Variants in MB21D2 observed in about 807,000 individuals in gnomAD.
The protein encoded by MB21D2 is Mab-21 domain containing 2, also known as nucleotidyltransferase MB21D2.
Under a neutral mutation model 33.3 loss-of-function variants are expected in MB21D2, and 9 were observed. That is an observed-to-expected ratio of 0.27 (90% CI 0.16 to 0.47). The LOEUF (loss-of-function observed/expected upper bound fraction) is 0.47. Ranked by LOEUF, MB21D2 falls within the 20% of genes least tolerant of loss-of-function variation. The pLI is 0.99. For synonymous variants in MB21D2, 241 were observed against 236.3 expected, an observed-to-expected ratio of 1.02 and a Z score of -0.18; for missense variants, 540 against 624.6, an observed-to-expected ratio of 0.86 and a Z score of 1.44.
At chr3:192,828,110 CTG>C (rs2108619150) in intron 1 of MB21D2, among the ~76,000 whole-genome samples, 1 of 152,210 alleles carries the variant, frequency 6.6e-6, no homozygotes, top group African/African-American at 2.4e-5. Flanking sequence ...CCATGTGGAA[CTG>C]TGAGTCCATT....
chr3:192,897,732 CT>C (rs1157748830), intron 1 of MB21D2, among the ~76,000 whole-genome samples: 4 of 152,150 alleles, frequency 2.6e-5, no homozygotes, highest in African/African-American at 9.7e-5. Context: ...TGGCTCACAC[CT>C]GTAAACCCAG....
At chr3:192,829,660 C>T (rs1712269742) in intron 1 of MB21D2, among the ~76,000 whole-genome samples, 1 of 151,550 alleles carries the variant, frequency 6.6e-6, no homozygotes, top group African/African-American at 2.4e-5. Flanking sequence ...GGATCTCGCT[C>T]TGTTTCCCAG....
chr3:192,888,630 T>C (rs1713783982), intron 1 of MB21D2, among the ~76,000 whole-genome samples: 1 of 152,104 alleles, frequency 6.6e-6, no homozygotes, highest in African/African-American at 2.4e-5. Context: ...GGATTATCAC[T>C]GACAATTCTT....
intron 1 of MB21D2, among the ~76,000 whole-genome samples, chr3:192,822,287 G>A (rs1382559859): frequency 6.6e-6 from 1 of 152,110 alleles, no homozygotes; most frequent in African/African-American, 2.4e-5. Flanking sequence ...TGATACATTG[G>A]AGAGTCACTT....
chr3:192,916,120 A>ATATT (rs1553863497), intron 1 of MB21D2, among the ~76,000 whole-genome samples: 1 of 148,892 alleles, frequency 6.7e-6, no homozygotes, highest in African/African-American at 2.5e-5. Context: ...ATATATATAT[A>ATATT]TTTAATTCAT....
At position 192,917,830 on chromosome 3, in the gene MB21D2, G is replaced by A. The variant is rs769270648; in HGVS notation, c.11C>T (p.Ala4Val). 1 of 1,608,146 alleles carries A rather than the reference G, an allele frequency of 6.2e-7. No individual in the cohort carries two copies. Among genetic ancestry groups the A allele is most frequent in the East Asian group, 2.2e-5 (1 of 44,698 alleles). The change falls in exon 1 of 2, where the codon GCG becomes GTG. Residue 4 changes from alanine (A) to valine (V), a missense_variant. By Grantham distance (64) the Ala-to-Val change is moderately conservative. Coordinates refer to ENST00000392452, the MANE Select transcript of MB21D2 (RefSeq NM_178496.4). ...GGCTGCCTTGTTGGCGGTGGGAGCC[G>A]CCATCTTCATGCAAAACGCGCCGAG... MKM[A>V]APTANKAASL...
chr3:192,858,990 A>C (rs866702466), intron 1 of MB21D2, among the ~76,000 whole-genome samples: 20 of 152,280 alleles, frequency 1.3e-4, no homozygotes, highest in Middle Eastern at 3.4e-3. Context: ...GGAATCAGTT[A>C]GTCAACTTCC....
intron 1 of MB21D2, among the ~76,000 whole-genome samples, chr3:192,808,009 C>T (rs747831279): frequency 1.3e-5 from 2 of 152,024 alleles, no homozygotes; most frequent in African/African-American, 2.4e-5. Context: ...ACTTAGGACC[C>T]AGATGGGTAG....
intron 1 of MB21D2, among the ~76,000 whole-genome samples, chr3:192,815,614 A>G (rs1711904034): frequency 7.4e-6 from 1 of 134,738 alleles, no homozygotes; most frequent in Non-Finnish European, 1.5e-5. Context: ...AAGAGCTGAG[A>G]TTGGCTACTT....
chr3:192,811,636 C>A (rs1047374082), intron 1 of MB21D2, among the ~76,000 whole-genome samples: 1 of 152,140 alleles, frequency 6.6e-6, no homozygotes, highest in African/African-American at 2.4e-5. Context: ...CTGATTATTT[C>A]TTGCTTTGTT....
At chr3:192,864,540 CT>C (rs1303478842) in intron 1 of MB21D2, among the ~76,000 whole-genome samples, 2 of 152,108 alleles carry the variant, frequency 1.3e-5, no homozygotes, top group Non-Finnish European at 1.5e-5. Flanking sequence ...GAGTTTTGCT[CT>C]TGTCATCCTG....
intron 1 of MB21D2, among the ~76,000 whole-genome samples, chr3:192,840,896 C>T (rs927908954): frequency 3.3e-5 from 5 of 152,164 alleles, no homozygotes; most frequent in African/African-American, 4.8e-5. Context: ...TTTTAATTAA[C>T]ACCAAAGCTT....
At chr3:192,814,112 A>C (rs1399947139) in intron 1 of MB21D2, among the ~76,000 whole-genome samples, 1 of 152,238 alleles carries the variant, frequency 6.6e-6, no homozygotes, top group Non-Finnish European at 1.5e-5. Flanking sequence ...TTCAAATAAC[A>C]AATCAGTAAT....
chr3:192,915,360 T>G (rs932764016), intron 1 of MB21D2, among the ~76,000 whole-genome samples: 9 of 152,200 alleles, frequency 5.9e-5, no homozygotes, highest in African/African-American at 1.2e-4. Context: ...TTAGAAAAAG[T>G]AAATCCACAT....
intron 1 of MB21D2, among the ~76,000 whole-genome samples, chr3:192,862,820 T>C (rs969198683): frequency 1.3e-5 from 2 of 152,220 alleles, no homozygotes; most frequent in Non-Finnish European, 1.5e-5. Flanking sequence ...TGTAAATGTA[T>C]TGTTCATAGT....
At chr3:192,848,306 A>AT (rs1712715477) in intron 1 of MB21D2, among the ~76,000 whole-genome samples, 1 of 152,220 alleles carries the variant, frequency 6.6e-6, no homozygotes. Context: ...CATTTTGCCA[A>AT]AAAGCTATCC....
intron 1 of MB21D2, among the ~76,000 whole-genome samples, chr3:192,882,021 T>C (rs1713607084): frequency 6.6e-6 from 1 of 152,142 alleles, no homozygotes; most frequent in South Asian, 2.1e-4. Flanking sequence ...GCTACTTCCT[T>C]TATAGGACGG....
intron 1 of MB21D2, among the ~76,000 whole-genome samples, chr3:192,876,543 G>A (rs973067319): frequency 2.0e-5 from 3 of 152,110 alleles, no homozygotes; most frequent in African/African-American, 7.2e-5. Context: ...CACAGTGGTT[G>A]GTCTTCCAAA....
chr3:192,905,706 G>T (rs1225419182), intron 1 of MB21D2, among the ~76,000 whole-genome samples: 1 of 150,764 alleles, frequency 6.6e-6, no homozygotes, highest in Non-Finnish European at 1.5e-5. Context: ...AGGTGTGTGT[G>T]CCTGTAGTGC....
Sources: gnomAD v4.1 joint callset for allele counts (sites outside exome capture counted in the v4.1 genomes callset) on GRCh38, gnomAD v4.1.1 for gene constraint, MANE v1.5 for transcripts, NCBI Gene and HGNC (gene_info 2026-07-23, HGNC 2026-07-21) for gene names.